Variants in PTPN20 observed in about 807,000 individuals in gnomAD.
PTPN20 encodes the protein protein tyrosine phosphatase non-receptor type 20.
In PTPN20, 9 loss-of-function variants were observed where a neutral mutation model predicts 35.0. That is an observed-to-expected ratio of 0.26 (90% CI 0.15 to 0.45). PTPN20 has a LOEUF of 0.45. PTPN20 is among the 20% of genes least tolerant of loss of function. The pLI, the probability that PTPN20 is intolerant of heterozygous loss-of-function variation, is 1.00. For synonymous variants in PTPN20, 32 were observed against 100.2 expected (o/e 0.32, Z 4.06); for missense variants, 111 against 312.5 (o/e 0.36, Z 4.86).
In PTPN20 at chr10:46,984,482, TGAAA is replaced by T; in HGVS notation, c.837_840del (p.Leu279PhefsTer34). 2 of 1,603,722 alleles carry T rather than the reference TGAAA, an allele frequency of 1.2e-6. No homozygotes were observed. Among genetic ancestry groups the T allele is most frequent in the Non-Finnish European group, 1.7e-6 (2 of 1,172,714 alleles). On this transcript the variant is annotated frameshift_variant, in exon 8 of 11. Coordinates refer to ENST00000374339, the MANE Select transcript of PTPN20 (RefSeq NM_001042357.5). LOFTEE classifies it high-confidence loss of function. ...ATTTCTCTGAAGAAGCCATTGGAAT[TGAAA>T]CACTTCCGTGTATTCCTGGAGAACT...
chr10:46,954,724 G>A (rs2047937985), intron 5 of PTPN20, among the ~76,000 whole-genome samples: 1 of 149,224 alleles, frequency 6.7e-6, no homozygotes, highest in Non-Finnish European at 1.5e-5. Flanking sequence ...CTTTCTCATT[G>A]ATTTCAATTT....
At position 47,000,658 on chromosome 10, in the gene PTPN20, TTA is replaced by T; in HGVS notation, c.1198-10_1198-9del. On this transcript the variant is annotated splice_polypyrimidine_tract_variant and intron_variant, in intron 10 of 10. Coordinates refer to ENST00000374339, the MANE Select transcript of PTPN20 (RefSeq NM_001042357.5). Reference sequence around the variant, plus strand: ...CAATTACTTAACATTCTGTTGTTTTTTATATATATGTATATAGGAGCAGTATC... The same window carrying T: ...CAATTACTTAACATTCTGTTGTTTTTTATATATGTATATAGGAGCAGTATC... 6.2e-7 allele frequency: 1 copy of T among 1,611,832 alleles called. No individual in the cohort carries two copies. Among genetic ancestry groups the T allele is most frequent in the East Asian group, 2.2e-5 (1 of 44,836 alleles).
At chr10:46,936,621 G>A (rs1198975044) in intron 2 of PTPN20, among the ~76,000 whole-genome samples, 1 of 150,022 alleles carries the variant, frequency 6.7e-6, no homozygotes, top group African/African-American at 2.5e-5. Context: ...AGGTCAAAAT[G>A]TCAACATTAA....
chr10:46,991,234 T>G (rs2057895215), intron 9 of PTPN20, among the ~76,000 whole-genome samples: 1 of 135,898 alleles, frequency 7.4e-6, no homozygotes, highest in South Asian at 2.4e-4. Context: ...TTTTATCTGA[T>G]ATAAGAATAG....
At chr10:46,954,143 T>TA (rs1175350574) in intron 5 of PTPN20, among the ~76,000 whole-genome samples, 2 of 112,716 alleles carry the variant, frequency 1.8e-5, no homozygotes, top group Non-Finnish European at 3.4e-5. Flanking sequence ...GAATGGATCT[T>TA]ACAGTTCTGT....
At chr10:46,999,764 G>T in intron 9 of PTPN20, 148 bp from the exon 10 acceptor site, 1 of 916,078 alleles carries the variant, frequency 1.1e-6, no homozygotes. Context: ...TATCCATTGG[G>T]CTAAGTTAAA....
At chr10:46,929,037 TC>T (rs1290713057) in intron 1 of PTPN20, among the ~76,000 whole-genome samples, 2 of 19,576 alleles carry the variant, frequency 1.0e-4, no homozygotes, top group Admixed American at 1.2e-3. Context: ...CAACCCAAAG[TC>T]CACTGTGAAG....
At chr10:46,998,563 G>T (rs1428774893) in intron 9 of PTPN20, among the ~76,000 whole-genome samples, 1 of 152,154 alleles carries the variant, frequency 6.6e-6, no homozygotes, top group Non-Finnish European at 1.5e-5. Flanking sequence ...CTGGACTGTG[G>T]TTATAGTTAC....
intron 5 of PTPN20, among the ~76,000 whole-genome samples, chr10:46,948,262 A>G (rs1348098671): frequency 1.3e-5 from 2 of 151,736 alleles, no homozygotes; most frequent in Admixed American, 6.6e-5. Context: ...TGCATTTTTC[A>G]TAGAGCTTAA....
Position 47,001,906 on chromosome 10 carries a change from T to A in PTPN20, c.*1165T>A, listed in dbSNP as rs1382785057. The A allele has an allele frequency of 2.6e-5, 4 of 152,120 alleles. No individual in the cohort carries two copies. The highest frequency in any genetic ancestry group is 9.7e-5 in the African/African-American group (4 of 41,448). The allele number at this position is 152,120 out of a possible 1,614,324, so 9.4% of individuals were successfully genotyped here. A position where few individuals can be genotyped will look rare whatever the true frequency, so the allele number is the denominator to read the frequency against. On this transcript the variant is annotated 3_prime_UTR_variant, in exon 11 of 11. Transcript: ENST00000374339. ...AGTTCTGGTGACAAGCTATACCTAA[T>A]TATAAGCTATAAAACAATAGATATG...
intron 9 of PTPN20, among the ~76,000 whole-genome samples, chr10:46,994,322 C>CTTTTTTTTT (rs36049729): frequency 1.7e-4 from 11 of 66,320 alleles, no homozygotes; most frequent in African/African-American, 2.5e-4. Context: ...CTCTGATGCT[C>CTTTTTTTTT]TTTTTTTTTT....
intron 2 of PTPN20, among the ~76,000 whole-genome samples, chr10:46,936,234 C>T (rs1163005129): frequency 1.3e-5 from 2 of 151,798 alleles, no homozygotes; most frequent in Non-Finnish European, 2.9e-5. Flanking sequence ...GGTATCAGAA[C>T]GATGCTGGCC....
intron 7 of PTPN20, among the ~76,000 whole-genome samples, chr10:46,972,264 A>G (rs1454664549): frequency 6.6e-6 from 1 of 151,972 alleles, no homozygotes; most frequent in Non-Finnish European, 1.5e-5. Context: ...CCAACACTAA[A>G]TGAGCAAAAA....
intron 9 of PTPN20, 47 bp from the exon 10 acceptor site, chr10:46,999,864 GT>G: frequency 1.2e-6 from 2 of 1,605,136 alleles, no homozygotes; most frequent in Non-Finnish European, 1.7e-6. Context: ...GTGAATTTGT[GT>G]TTTTCCCCCA....
At chr10:46,967,405 C>T (rs2050990147) in intron 6 of PTPN20, among the ~76,000 whole-genome samples, 1 of 88,898 alleles carries the variant, frequency 1.1e-5, no homozygotes, top group Non-Finnish European at 1.9e-5. Context: ...CCCTGTATTC[C>T]AGTGTCTGAA....
chr10:46,924,852 A>G (rs1234761543), intron 1 of PTPN20, among the ~76,000 whole-genome samples: 1 of 125,088 alleles, frequency 8.0e-6, no homozygotes, highest in Non-Finnish European at 1.7e-5. Context: ...TGATATGATT[A>G]TATGAATTGT....
intron 5 of PTPN20, among the ~76,000 whole-genome samples, chr10:46,953,895 G>T (rs1250992693): frequency 7.4e-6 from 1 of 134,608 alleles, no homozygotes; most frequent in African/African-American, 3.2e-5. Flanking sequence ...ATCTTTTTCC[G>T]GTTTTAGTAT....
chr10:46,948,663 C>G (rs1307434489), intron 5 of PTPN20, among the ~76,000 whole-genome samples: 1 of 151,954 alleles, frequency 6.6e-6, no homozygotes, highest in Non-Finnish European at 1.5e-5. Context: ...GTTTCGTCCT[C>G]AGCTTTAGGC....
chr10:46,953,330 ATTTCTTTTCTTTCTTTCTTTC>A (rs1555148476), intron 5 of PTPN20, among the ~76,000 whole-genome samples: 1 of 125,152 alleles, frequency 8.0e-6, no homozygotes, highest in African/African-American at 3.3e-5. Flanking sequence ...TATGCCTTTC[ATTTCTTTTCTTTCTTTCTTTC>A]TTTCTTTCTT....
Sources: gnomAD v4.1 joint callset for allele counts (sites outside exome capture counted in the v4.1 genomes callset) on GRCh38, gnomAD v4.1.1 for gene constraint, MANE v1.5 for transcripts, NCBI Gene and HGNC (gene_info 2026-07-23, HGNC 2026-07-21) for gene names.